Variants in NCOA2 observed in about 807,000 individuals in gnomAD.
NCOA2 encodes class E basic helix-loop-helix protein 75.
Under a neutral mutation model 145.1 loss-of-function variants are expected in NCOA2, and 21 were observed. That is an observed-to-expected ratio of 0.14 (90% CI 0.10 to 0.21). NCOA2 has a LOEUF of 0.21. Ranked by LOEUF, NCOA2 falls within the 10% of genes least tolerant of loss-of-function variation. NCOA2 has a pLI of 1.00. For missense variants in NCOA2, 1,472 were observed against 1,837.6 expected, an observed-to-expected ratio of 0.80 and a Z score of 3.64; for synonymous variants, 619 against 637.5, an observed-to-expected ratio of 0.97 and a Z score of 0.44.
intron 1 of NCOA2, among the ~76,000 whole-genome samples, chr8:70,392,024 G>A (rs982089129): frequency 1.3e-5 from 2 of 152,156 alleles, no homozygotes; most frequent in Admixed American, 1.3e-4. Flanking sequence ...CCGTGGAGAG[G>A]GTAGGAGGAG....
At chr8:70,307,651 A>C (rs1827998475) in intron 1 of NCOA2, among the ~76,000 whole-genome samples, 1 of 152,224 alleles carries the variant, frequency 6.6e-6, no homozygotes, top group African/African-American at 2.4e-5. Flanking sequence ...TTTGAAGTCA[A>C]ATCTTGAGAG....
intron 2 of NCOA2, among the ~76,000 whole-genome samples, chr8:70,224,237 A>T (rs553493464): frequency 9.4e-4 from 143 of 152,350 alleles, no homozygotes; most frequent in African/African-American, 3.3e-3. Flanking sequence ...GAAGCTATTA[A>T]ATAAGACACC....
intron 1 of NCOA2, among the ~76,000 whole-genome samples, chr8:70,347,133 CAT>C (rs1208550481): frequency 3.3e-5 from 5 of 152,130 alleles, no homozygotes; most frequent in African/African-American, 7.2e-5. Flanking sequence ...AATTTACACA[CAT>C]GTACTTTTAT....
chr8:70,373,409 C>T (rs1054225869), intron 1 of NCOA2, among the ~76,000 whole-genome samples: 3 of 152,076 alleles, frequency 2.0e-5, no homozygotes, highest in East Asian at 1.9e-4. Flanking sequence ...TTTTAAAAAT[C>T]GGGTTGATTT....
At chr8:70,450,880 T>C in the NCOA2 span, among the ~76,000 whole-genome samples, 1 of 151,014 alleles carries the variant, frequency 6.6e-6, no homozygotes, top group Non-Finnish European at 1.5e-5. Flanking sequence ...TCACTTCCTT[T>C]TCAAAACAAG....
intron 2 of NCOA2, among the ~76,000 whole-genome samples, chr8:70,231,465 C>T (rs764366362): frequency 1.2e-4 from 19 of 152,152 alleles, no homozygotes; most frequent in Non-Finnish European, 2.4e-4. Context: ...TCATCTTTGG[C>T]CACTAATCAA....
chr8:70,148,709 A>C, intron 11 of NCOA2, among the ~76,000 whole-genome samples: 1 of 152,278 alleles, frequency 6.6e-6, no homozygotes, highest in Non-Finnish European at 1.5e-5. Flanking sequence ...ATCTATAAAA[A>C]GAGATGGCTG....
At chr8:70,337,039 A>T (rs1807660333) in intron 1 of NCOA2, among the ~76,000 whole-genome samples, 1 of 151,878 alleles carries the variant, frequency 6.6e-6, no homozygotes, top group African/African-American at 2.4e-5. Context: ...ACTGACGGAG[A>T]CAAGTTTATA....
chr8:70,298,934 GCC>G (rs1563737371), intron 1 of NCOA2, among the ~76,000 whole-genome samples: 2 of 152,012 alleles, frequency 1.3e-5, no homozygotes, highest in Non-Finnish European at 2.9e-5. Context: ...GGTGGCAGGC[GCC>G]TGTAGTTCCA....
At chr8:70,392,629 T>C (rs1409445878) in intron 1 of NCOA2, among the ~76,000 whole-genome samples, 1 of 152,190 alleles carries the variant, frequency 6.6e-6, no homozygotes, top group Non-Finnish European at 1.5e-5. Flanking sequence ...TCAATGGAAA[T>C]AGTTAAGTGC....
chr8:70,213,991 A>T lies in NCOA2; in HGVS notation c.171T>A (p.Phe57Leu), dbSNP rs1011531147. 6.2e-7 allele frequency: 1 copy of T among 1,612,774 alleles called. No homozygotes were observed. Among genetic ancestry groups the T allele is most frequent in the African/African-American group, 1.3e-5 (1 of 74,872 alleles). The change falls in exon 4 of 23, where the codon TTT becomes TTA. Residue 57 changes from phenylalanine (F) to leucine (L), a missense_variant. Around this residue, in one of 4 missense-constraint regions of NCOA2, gnomAD observed 284 missense variants for 467.8 expected, o/e 0.61. Transcript: ENST00000452400. ...TGAAGTTAAAGTTGTCTATATCATT[A>T]AAATTTGCAAAAATCAACTCTGCAA... Reference protein sequence around the residue: ...EELAELIFANFNDIDNFNFKP... With the variant: ...EELAELIFANLNDIDNFNFKP...
intron 1 of NCOA2, among the ~76,000 whole-genome samples, chr8:70,332,873 A>T (rs1394619394): frequency 6.6e-6 from 1 of 152,196 alleles, no homozygotes. Context: ...GTCATCCCAC[A>T]GTGGAGACAG....
At chr8:70,402,566 A>C (rs1464834873) in intron 1 of NCOA2, 1 of 151,950 alleles carries the variant, frequency 6.6e-6, no homozygotes, top group African/African-American at 2.4e-5. Context: ...CGCAGCCGGC[A>C]GCGACGACCC....
the NCOA2 span, among the ~76,000 whole-genome samples, chr8:70,448,930 G>A: frequency 1.3e-5 from 2 of 151,710 alleles, no homozygotes; most frequent in African/African-American, 4.8e-5. Context: ...TTAGTCTCCT[G>A]AGCAGCTGAG....
chr8:70,306,519 C>T (rs1052687898), intron 1 of NCOA2, among the ~76,000 whole-genome samples: 8 of 152,116 alleles, frequency 5.3e-5, no homozygotes, highest in African/African-American at 1.9e-4. Flanking sequence ...CATTCCAACA[C>T]CCTAAGCATA....
chr8:70,337,146 T>C (rs993702330), intron 1 of NCOA2, among the ~76,000 whole-genome samples: 1 of 152,078 alleles, frequency 6.6e-6, no homozygotes, highest in Non-Finnish European at 1.5e-5. Context: ...GGACTGATAA[T>C]TGACAACTCT....
intron 19 of NCOA2, 50 bp from the exon 20 acceptor site, chr8:70,124,915 T>C (rs745792629): frequency 9.4e-6 from 14 of 1,485,368 alleles, no homozygotes; most frequent in Middle Eastern, 1.8e-4. Context: ...GTTAGTTATA[T>C]TGTAGAGACT....
chr8:70,364,714 CACT>C (rs1187694158), intron 1 of NCOA2, among the ~76,000 whole-genome samples: 1 of 149,484 alleles, frequency 6.7e-6, no homozygotes, highest in African/African-American at 2.5e-5. Flanking sequence ...CTCTCTTGAC[CACT>C]ACATTATTCC....
At chr8:70,375,762 C>T (rs1480470861) in intron 1 of NCOA2, among the ~76,000 whole-genome samples, 1 of 152,068 alleles carries the variant, frequency 6.6e-6, no homozygotes, top group Non-Finnish European at 1.5e-5. Flanking sequence ...CATGAAATGT[C>T]AATATCTCTA....
Sources: allele counts gnomAD v4.1 joint callset (sites outside exome capture counted in the v4.1 genomes callset), GRCh38; gene constraint gnomAD v4.1.1; regional missense constraint gnomAD v4.1.1; transcripts MANE v1.5; gene names NCBI Gene and HGNC (gene_info 2026-07-23, HGNC 2026-07-21).